The following NDUFA12 variants were observed in gnomAD, a reference collection of about 807,000 sequenced individuals.
NDUFA12 encodes NADH dehydrogenase [ubiquinone] 1 alpha subcomplex subunit 12.
NDUFA12 carries 17 observed loss-of-function variants against 20.3 expected under a neutral mutation model. That is an observed-to-expected ratio of 0.84 (90% CI 0.57 to 1.26). The LOEUF (loss-of-function observed/expected upper bound fraction) is 1.26. NDUFA12 is among the 50% of genes most tolerant of loss of function. The probability of loss-of-function intolerance (pLI) is 0.00; values close to 1 mark genes in which losing one functional copy is unlikely to be tolerated. For synonymous variants in NDUFA12, 72 were observed against 63.6 expected, an observed-to-expected ratio of 1.13 and a Z score of -0.63; for missense variants, 191 against 183.7, an observed-to-expected ratio of 1.04 and a Z score of -0.23.
intron 2 of NDUFA12, among the ~76,000 whole-genome samples, chr12:95,001,923 T>G (rs1037067373): frequency 6.6e-6 from 1 of 151,788 alleles, no homozygotes; most frequent in Non-Finnish European, 1.5e-5. Flanking sequence ...CAGGATGCTC[T>G]CGATCTCCTG....
chr12:94,989,760 T>C (rs1020325644), intron 3 of NDUFA12, among the ~76,000 whole-genome samples: 5 of 152,226 alleles, frequency 3.3e-5, no homozygotes, highest in African/African-American at 4.8e-5. Flanking sequence ...CTCCACTGAA[T>C]AGAACTTTTA....
chr12:94,982,475 A>G (rs538767777), intron 3 of NDUFA12, among the ~76,000 whole-genome samples: 16 of 151,826 alleles, frequency 1.1e-4, no homozygotes, highest in African/African-American at 3.4e-4. Flanking sequence ...ACGGGGTTTC[A>G]CTGTGTTAGC....
chr12:94,984,702 A>G (rs1874352849), intron 3 of NDUFA12, among the ~76,000 whole-genome samples: 1 of 119,212 alleles, frequency 8.4e-6, no homozygotes, highest in Non-Finnish European at 1.6e-5. Context: ...GACCCCCTCT[A>G]ATGCTAATAG....
At chr12:94,980,634 T>C (rs571594642) in intron 3 of NDUFA12, among the ~76,000 whole-genome samples, 1 of 152,146 alleles carries the variant, frequency 6.6e-6, no homozygotes, top group African/African-American at 2.4e-5. Flanking sequence ...TTTTAAATGA[T>C]GTATTTATGT....
intron 2 of NDUFA12, among the ~76,000 whole-genome samples, chr12:95,000,258 A>G (rs1313781005): frequency 6.6e-6 from 1 of 152,212 alleles, no homozygotes. Flanking sequence ...TCTCACTTAC[A>G]AGTGGGAACT....
chr12:94,981,208 T>C (rs550814666), intron 3 of NDUFA12, among the ~76,000 whole-genome samples: 2 of 152,300 alleles, frequency 1.3e-5, no homozygotes, highest in African/African-American at 4.8e-5. Flanking sequence ...GGCAGGTGGA[T>C]AGCTTGAGCC....
At chr12:94,976,497 C>T (rs1874069414) in intron 3 of NDUFA12, among the ~76,000 whole-genome samples, 1 of 152,148 alleles carries the variant, frequency 6.6e-6, no homozygotes, top group African/African-American at 2.4e-5. Context: ...CTCCTGTATA[C>T]TTTAAATCAT....
chr12:94,986,450 T>TAAA (rs1874446751), intron 3 of NDUFA12, among the ~76,000 whole-genome samples: 1 of 152,090 alleles, frequency 6.6e-6, no homozygotes, highest in Non-Finnish European at 1.5e-5. Context: ...ATTTTAAGTG[T>TAAA]TTTTACCACA....
At chr12:95,003,476 G>T in intron 1 of NDUFA12, 119 bp downstream of exon 1, 1 of 1,069,360 alleles carries the variant, frequency 9.4e-7, no homozygotes, top group Non-Finnish European at 1.5e-6. Context: ...AGATTGGGGC[G>T]GTTGTCCTTG....
Position 94,994,419 on chromosome 12 carries a change from G to A in NDUFA12, c.170-162C>T, listed in dbSNP as rs192491901. 154 of 595,464 alleles carry A rather than the reference G, an allele frequency of 2.6e-4. No individual in the cohort carries two copies. In the East Asian group the frequency reaches 4.1e-3, roughly 16 times the overall value. The allele number at this position is 595,464 out of a possible 1,614,324, so 36.9% of individuals were successfully genotyped here. ...ACCCTGGGTGAATTCGTGAAGGTAAGCTCCAGGAGGTGTGTGGCAAACTTT... is the reference window on the plus strand; with the variant it reads ...ACCCTGGGTGAATTCGTGAAGGTAAACTCCAGGAGGTGTGTGGCAAACTTT... On this transcript the variant is annotated intron_variant, in intron 2 of 3. Transcript: ENST00000327772.
intron 3 of NDUFA12, among the ~76,000 whole-genome samples, chr12:94,992,476 C>T (rs1328685135): frequency 6.6e-6 from 1 of 152,200 alleles, no homozygotes; most frequent in Non-Finnish European, 1.5e-5. Flanking sequence ...GACAGCCACA[C>T]CATTACACAT....
intron 3 of NDUFA12, among the ~76,000 whole-genome samples, chr12:94,975,847 G>A (rs573071104): frequency 6.6e-5 from 10 of 152,130 alleles, no homozygotes; most frequent in East Asian, 3.9e-4. Context: ...CCATGAGTTC[G>A]AGACCAGCCT....
At chr12:94,998,874 C>T (rs1251202777) in intron 2 of NDUFA12, among the ~76,000 whole-genome samples, 3 of 152,050 alleles carry the variant, frequency 2.0e-5, no homozygotes, top group South Asian at 4.1e-4. Flanking sequence ...CTCATGGATG[C>T]ACATAATCAA....
At chr12:94,989,616 C>T (rs1874569520) in intron 3 of NDUFA12, among the ~76,000 whole-genome samples, 1 of 152,174 alleles carries the variant, frequency 6.6e-6, no homozygotes, top group South Asian at 2.1e-4. Context: ...CAAAGGTACT[C>T]AGACCTTAGG....
At chr12:94,980,998 A>C (rs1383332852) in intron 3 of NDUFA12, among the ~76,000 whole-genome samples, 1 of 152,236 alleles carries the variant, frequency 6.6e-6, no homozygotes, top group Non-Finnish European at 1.5e-5. Flanking sequence ...CATAACAATG[A>C]AAATGAAGAC....
At chr12:94,985,846 A>T (rs543392019) in intron 3 of NDUFA12, among the ~76,000 whole-genome samples, 2 of 152,208 alleles carry the variant, frequency 1.3e-5, no homozygotes, top group East Asian at 3.9e-4. Context: ...GCACTCTGGG[A>T]GGCCGAGGTG....
chr12:94,987,101 C>T (rs1157264148), intron 3 of NDUFA12, among the ~76,000 whole-genome samples: 3 of 152,076 alleles, frequency 2.0e-5, no homozygotes, highest in Non-Finnish European at 4.4e-5. Flanking sequence ...CCCTTAATCA[C>T]GTGATAGAGG....
intron 3 of NDUFA12, among the ~76,000 whole-genome samples, chr12:94,976,909 G>A (rs1874080259): frequency 2.6e-5 from 4 of 152,084 alleles, no homozygotes; most frequent in Admixed American, 2.0e-4. Context: ...ATTAAATGAA[G>A]CAATGAATAC....
intron 3 of NDUFA12, among the ~76,000 whole-genome samples, chr12:94,986,925 G>A (rs1345223477): frequency 2.6e-5 from 4 of 152,116 alleles, no homozygotes; most frequent in Admixed American, 2.6e-4. Context: ...TAAAGCAATG[G>A]ATTATAACCC....
Sources: gnomAD v4.1 joint callset for allele counts (sites outside exome capture counted in the v4.1 genomes callset) on GRCh38, gnomAD v4.1.1 for gene constraint, MANE v1.5 for transcripts, NCBI Gene and HGNC (gene_info 2026-07-23, HGNC 2026-07-21) for gene names.